The following SEM1 variants were observed in gnomAD, a reference collection of about 807,000 sequenced individuals.
SEM1 encodes SEM1 26S proteasome subunit, also known as 26S proteasome complex subunit SEM1.
Under a neutral mutation model 12.7 loss-of-function variants are expected in SEM1, and 3 were observed. The ratio of observed to expected loss-of-function variants is 0.24; its 90% CI spans 0.11 to 0.61. The LOEUF is 0.61. Ranked by LOEUF, SEM1 falls within the 20% of genes least tolerant of loss-of-function variation. The probability of loss-of-function intolerance (pLI) is 0.88; values close to 1 mark genes in which losing one functional copy is unlikely to be tolerated. For missense variants in SEM1, 59 were observed against 81.3 expected (o/e 0.73, Z 1.06); for synonymous variants, 30 against 27.8 (o/e 1.08, Z -0.25).
At chr7:96,563,184 T>C (rs1311269441) in intron 2 of SEM1, among the ~76,000 whole-genome samples, 1 of 152,022 alleles carries the variant, frequency 6.6e-6, no homozygotes, top group Non-Finnish European at 1.5e-5. Context: ...GAACAAACTA[T>C]TCATTCATGA....
exon 4 of SEM1, chr7:96,483,430 A>G (rs1283173939): frequency 5.3e-6 from 1 of 188,902 alleles, no homozygotes; most frequent in Non-Finnish European, 1.1e-5. Flanking sequence ...AGTCAATAAT[A>G]GTCATATTTG....
chr7:96,603,275 G>A (rs150608355), intron 2 of SEM1, among the ~76,000 whole-genome samples: 67 of 152,312 alleles, frequency 4.4e-4, no homozygotes, highest in African/African-American at 1.6e-3. Context: ...TTCTAAGTGG[G>A]AGAATGGTTG....
rs564819975 is a variant in SEM1 at position 96,543,158 on chromosome 7, C to CA, written c.171-36461dup. ...CATGTGTGTATTCAAGCAGTCAGATCAAAAATATTTGCAAAAACAAATTGT... is the reference window on the plus strand; with the variant it reads ...CATGTGTGTATTCAAGCAGTCAGATCAAAAAATATTTGCAAAAACAAATTGT... On this transcript the variant is annotated intron_variant and NMD_transcript_variant, in intron 2 of 3. Transcript: ENST00000466986. Among the ~76,000 whole-genome samples, 6 of 151,780 alleles carry CA rather than the reference C, an allele frequency of 4.0e-5. No homozygotes were observed. The South Asian group carries it at 1.2e-3, about 32-fold the overall frequency.
exon 3 of SEM1, chr7:96,622,600 T>C (rs1192628911): frequency 7.8e-6 from 6 of 764,732 alleles, no homozygotes; most frequent in Non-Finnish European, 1.4e-5. Context: ...CTCCTGAGTA[T>C]TGGCAATTCT....
At chr7:96,682,746 T>A (rs895025435) in intron 2 of SEM1, among the ~76,000 whole-genome samples, 7 of 151,836 alleles carry the variant, frequency 4.6e-5, no homozygotes, top group African/African-American at 1.7e-4. Flanking sequence ...ACCTACAGAA[T>A]GGGAGAAAAT....
intron 2 of SEM1, among the ~76,000 whole-genome samples, chr7:96,553,038 G>C (rs1005509890): frequency 5.3e-5 from 8 of 151,822 alleles, no homozygotes; most frequent in African/African-American, 1.9e-4. Flanking sequence ...TTTTTGATGG[G>C]GTTGTTTGTT....
exon 4 of SEM1, chr7:96,483,525 C>G: frequency 3.3e-6 from 1 of 307,534 alleles, no homozygotes; most frequent in Non-Finnish European, 6.3e-6. Context: ...TCTCACTCAC[C>G]CTACATGTCC....
At chr7:96,503,086 C>T (rs921523455) in intron 3 of SEM1, among the ~76,000 whole-genome samples, 1 of 152,154 alleles carries the variant, frequency 6.6e-6, no homozygotes, top group African/African-American at 2.4e-5. Flanking sequence ...CAACAGAATA[C>T]ACTGGTCATT....
At chr7:96,486,113 T>C in intron 2 of SEM1, 1 of 905,332 alleles carries the variant, frequency 1.1e-6, no homozygotes, top group Non-Finnish European at 1.7e-6. Flanking sequence ...GTTGCTGGCC[T>C]TTAGTTTTAG....
At chr7:96,526,849 G>C (rs372550859) in intron 2 of SEM1, among the ~76,000 whole-genome samples, 1 of 151,716 alleles carries the variant, frequency 6.6e-6, no homozygotes, top group Non-Finnish European at 1.5e-5. Flanking sequence ...AATGACAGTC[G>C]TCCTCCTCCT....
intron 2 of SEM1, among the ~76,000 whole-genome samples, chr7:96,692,388 GA>G (rs1427759661): frequency 4.6e-5 from 7 of 152,124 alleles, no homozygotes; most frequent in African/African-American, 1.7e-4. Context: ...ATATCAGGAA[GA>G]AAACTCTGAC....
chr7:96,638,514 C>T (rs111963698), intron 2 of SEM1, among the ~76,000 whole-genome samples: 4 of 151,632 alleles, frequency 2.6e-5, no homozygotes, highest in African/African-American at 7.3e-5. Flanking sequence ...TAGAAAAGGT[C>T]CAGTGAAGGG....
chr7:96,585,768 G>A (rs1806608736), intron 2 of SEM1, among the ~76,000 whole-genome samples: 1 of 152,166 alleles, frequency 6.6e-6, no homozygotes, highest in African/African-American at 2.4e-5. Context: ...GACTAGGAAA[G>A]GGAACTCCCT....
chr7:96,596,210 G>A (rs763798600), intron 2 of SEM1, among the ~76,000 whole-genome samples: 14 of 152,256 alleles, frequency 9.2e-5, no homozygotes, highest in South Asian at 6.2e-4. Context: ...GATAACTGGC[G>A]GATTCTTAAT....
chr7:96,538,601 G>T (rs1403025423), intron 2 of SEM1, among the ~76,000 whole-genome samples: 1 of 151,808 alleles, frequency 6.6e-6, no homozygotes, highest in Non-Finnish European at 1.5e-5. Flanking sequence ...TTTCAGCTAT[G>T]ATCTACTATT....
At chr7:96,572,219 T>G (rs778363992) in intron 2 of SEM1, among the ~76,000 whole-genome samples, 14 of 152,184 alleles carry the variant, frequency 9.2e-5, no homozygotes, top group South Asian at 2.1e-4. Context: ...GTGTTAATCT[T>G]TTCAAAAAAC....
intron 2 of SEM1, among the ~76,000 whole-genome samples, chr7:96,625,023 A>C (rs764059415): frequency 6.6e-6 from 1 of 152,132 alleles, no homozygotes; most frequent in Non-Finnish European, 1.5e-5. Flanking sequence ...TGAAAACGTT[A>C]TTTATCAGGA....
chr7:96,657,779 G>A (rs1477992561), intron 2 of SEM1, among the ~76,000 whole-genome samples: 2 of 152,166 alleles, frequency 1.3e-5, no homozygotes, highest in African/African-American at 4.8e-5. Flanking sequence ...TGCTAATTGG[G>A]GTGATGACCA....
rs749965181 is a variant in SEM1 at position 96,571,556 on chromosome 7, G to GTA, written c.171-64860_171-64859dup. On this transcript the variant is annotated intron_variant and NMD_transcript_variant, in intron 2 of 3. Transcript: ENST00000466986. ...TCTGAGGCATCTGTTCTGTGTGTGT[G>GTA]TATATATATGTATATATATACATAT... 1.5e-4 allele frequency among the ~76,000 whole-genome samples: 22 copies of GTA among 150,718 alleles called. No individual in the cohort carries two copies. The South Asian group carries it at 3.2e-3, about 22-fold the overall frequency.
Sources: gnomAD v4.1 joint callset for allele counts (sites outside exome capture counted in the v4.1 genomes callset) on GRCh38, gnomAD v4.1.1 for gene constraint, MANE v1.5 for transcripts, NCBI Gene and HGNC (gene_info 2026-07-23, HGNC 2026-07-21) for gene names.